CCDC144A: variants seen among roughly 807,000 people sequenced by gnomAD.
CCDC144A encodes the protein coiled-coil domain containing 144A.
Under a neutral mutation model 143.8 loss-of-function variants are expected in CCDC144A, and 41 were observed. The ratio of observed to expected loss-of-function variants is 0.29; its 90% confidence interval spans 0.22 to 0.37. The LOEUF is 0.37. Among genes scored for constraint, CCDC144A ranks in the 10% least tolerant of loss-of-function variants. CCDC144A has a pLI of 1.00. For missense variants in CCDC144A, 637 were observed against 1,488.8 expected, an observed-to-expected ratio of 0.43 and a Z score of 9.41; for synonymous variants, 242 against 517.9, an observed-to-expected ratio of 0.47 and a Z score of 7.23.
chr17:16,719,325 A>C (rs1225311005), intron 6 of CCDC144A, among the ~76,000 whole-genome samples: 1 of 152,150 alleles, frequency 6.6e-6, no homozygotes. Flanking sequence ...TTTCATTAAA[A>C]ATACTTTTTA....
In CCDC144A at chr17:16,734,921, C is replaced by G; in HGVS notation, c.2650C>G (p.Gln884Glu). Residue 884 changes from glutamine (Q) to glutamate (E), a missense_variant, in exon 12 of 17, where the codon CAG becomes GAG. By Grantham distance (29) the Gln-to-Glu change is conservative. Coordinates refer to ENST00000399273, the MANE Select transcript of CCDC144A (RefSeq NM_001382000.1). ...LTETILQYSG[Q>E]LNNLTAENKI... Reference sequence around the variant, plus strand: ...AGAAACAATACTCCAGTACAGTGGACAGCTGAACAATCTGACAGCTGAGAA... The same window carrying G: ...AGAAACAATACTCCAGTACAGTGGAGAGCTGAACAATCTGACAGCTGAGAA... 1 of 1,587,608 alleles carries G rather than the reference C, an allele frequency of 6.3e-7. No homozygotes were observed. The highest frequency in any genetic ancestry group is 1.1e-5 in the South Asian group (1 of 87,252).
intron 14 of CCDC144A, 126 bp from the exon 15 acceptor site, chr17:16,763,839 G>T (rs1597594060): frequency 8.6e-7 from 1 of 1,158,182 alleles, no homozygotes; most frequent in East Asian, 2.7e-5. Flanking sequence ...CATTTTCAGA[G>T]TTAAAACACG....
intron 9 of CCDC144A, among the ~76,000 whole-genome samples, chr17:16,729,042 A>G (rs987542492): frequency 6.6e-6 from 1 of 152,180 alleles, no homozygotes; most frequent in African/African-American, 2.4e-5. Flanking sequence ...AATGTGCTGC[A>G]ATAGACATAC....
chr17:16,769,009 G>A (rs1915720177), intron 15 of CCDC144A, among the ~76,000 whole-genome samples: 2 of 152,180 alleles, frequency 1.3e-5, no homozygotes, highest in Admixed American at 1.3e-4. Context: ...CAACACACTA[G>A]CTCTATTGCA....
At chr17:16,688,484 GTTTTTTTTTTTTTT>G (rs66493875), upstream of CCDC144A, among the ~76,000 whole-genome samples, 1 of 71,622 alleles carries the variant, frequency 1.4e-5, no homozygotes, top group Admixed American at 1.9e-4. Flanking sequence ...TTCTTTTTCT[GTTTTTTTTTTTTTT>G]TTTTTTTTTG....
chr17:16,689,193 C>T (rs1340758711), upstream of CCDC144A, among the ~76,000 whole-genome samples: 1 of 151,846 alleles, frequency 6.6e-6, no homozygotes, highest in Admixed American at 6.6e-5. Flanking sequence ...TTCTCTCCTT[C>T]CTTCTTTTCT....
rs1157574993 is a variant in CCDC144A, at chr17:16,715,323, A to AG, written c.1715+3508_1715+3509insG. On this transcript the variant is annotated intron_variant, in intron 6 of 16. Coordinates refer to ENST00000399273, the MANE Select transcript of CCDC144A (RefSeq NM_001382000.1). ...TTGATTCTCAGGTAAAAAAAAAAAAAAAGAAAGAAAGAAAAAGGTTTCACA... is the reference window on the plus strand; with the variant it reads ...TTGATTCTCAGGTAAAAAAAAAAAAAGAAGAAAGAAAGAAAAAGGTTTCACA... Among the ~76,000 whole-genome samples the AG allele has an allele frequency of 6.6e-5, 9 of 135,848 alleles. No individual in the cohort carries two copies. The East Asian group carries it at 1.7e-3, about 26-fold the overall frequency. The allele number at this position is 135,848 out of a possible 152,430, so 89.1% of individuals were successfully genotyped here. A position where few individuals can be genotyped will look rare whatever the true frequency, so the allele number is the denominator to read the frequency against.
chr17:16,677,832 A>T, the CCDC144A span, among the ~76,000 whole-genome samples: 1 of 152,036 alleles, frequency 6.6e-6, no homozygotes, highest in Admixed American at 6.6e-5. Flanking sequence ...AAAAAATGAA[A>T]GCAGGAGGTA....
chr17:16,674,183 G>A, the CCDC144A span, among the ~76,000 whole-genome samples: 2 of 151,996 alleles, frequency 1.3e-5, no homozygotes, highest in Admixed American at 1.3e-4. Context: ...GGAGGCTGAG[G>A]TGGGAGGATC....
upstream of CCDC144A, among the ~76,000 whole-genome samples, chr17:16,686,489 G>A (rs955592895): frequency 2.0e-5 from 3 of 151,934 alleles, no homozygotes; most frequent in African/African-American, 7.3e-5. Flanking sequence ...TATAGAAGAG[G>A]AATGCTATAT....
the CCDC144A span, among the ~76,000 whole-genome samples, chr17:16,672,344 C>T: frequency 6.6e-6 from 1 of 151,960 alleles, no homozygotes; most frequent in Admixed American, 6.6e-5. Flanking sequence ...ATTCAGGAGG[C>T]TGAGGCAGGA....
chr17:16,769,020 G>GACTC (rs1411596984), intron 15 of CCDC144A, among the ~76,000 whole-genome samples: 1 of 152,178 alleles, frequency 6.6e-6, no homozygotes, highest in Non-Finnish European at 1.5e-5. Flanking sequence ...CTCTATTGCA[G>GACTC]ACTCATGATA....
At chr17:16,706,373 G>A (rs3095817) in intron 3 of CCDC144A, 26,347 of 116,808 alleles carry the variant, frequency 0.23, 3,265 homozygotes, top group African/African-American at 0.35. Flanking sequence ...TCTTAAAGTT[G>A]TACGTAAGGC....
At position 16,708,693 on chromosome 17, in the gene CCDC144A, C is replaced by T. The variant is rs765581104; in HGVS notation, c.739-103C>T. ...ATTTGTGAATTTTTCTTTGTTCATACCTGTTATTTAAGGACAAAGCTATTT... is the reference window on the plus strand; with the variant it reads ...ATTTGTGAATTTTTCTTTGTTCATATCTGTTATTTAAGGACAAAGCTATTT... On this transcript the variant is annotated intron_variant, in intron 4 of 16. Coordinates refer to ENST00000399273, the MANE Select transcript of CCDC144A (RefSeq NM_001382000.1). 3.2e-6 allele frequency: 4 copies of T among 1,262,930 alleles called. No individual in the cohort carries two copies. In the Admixed American group the frequency reaches 5.7e-5, roughly 18 times the overall value. The allele number at this position is 1,262,930 out of a possible 1,614,324, so 78.2% of individuals were successfully genotyped here. A position where few individuals can be genotyped will look rare whatever the true frequency, so the allele number is the denominator to read the frequency against.
In CCDC144A at chr17:16,746,891, C is replaced by T. The variant is rs2349276; in HGVS notation, c.3372+11248C>T. The T allele has an allele frequency of 9.6e-4, 552 of 575,834 alleles. 3 individuals carry two copies. In the African/African-American group the frequency reaches 0.014, roughly 14 times the overall value. 35.7% of individuals were successfully genotyped at this position (575,834 alleles called of 1,614,324 possible). A position where few individuals can be genotyped will look rare whatever the true frequency, so the allele number is the denominator to read the frequency against. On this transcript the variant is annotated intron_variant, in intron 12 of 16. Coordinates refer to ENST00000399273, the MANE Select transcript of CCDC144A (RefSeq NM_001382000.1). ...TCCCTTCTCTCCCTTCTCTCCCTCCCCTCCCTCCCCTCCCTCCCCTCTAGG... is the reference window on the plus strand; with the variant it reads ...TCCCTTCTCTCCCTTCTCTCCCTCCTCTCCCTCCCCTCCCTCCCCTCTAGG...
intron 2 of CCDC144A, among the ~76,000 whole-genome samples, chr17:16,696,633 C>CAA (rs536770820): frequency 5.6e-5 from 4 of 71,788 alleles, no homozygotes; most frequent in African/African-American, 1.0e-4. Flanking sequence ...GACTCTGTCT[C>CAA]AAAAAAAAAA....
At chr17:16,719,269 C>T (rs1430421555) in intron 6 of CCDC144A, among the ~76,000 whole-genome samples, 3 of 151,990 alleles carry the variant, frequency 2.0e-5, no homozygotes, top group Admixed American at 6.5e-5. Flanking sequence ...ATTTGTTGAA[C>T]GGGTGAATGA....
chr17:16,757,758 G>T (rs1246696234), intron 12 of CCDC144A, among the ~76,000 whole-genome samples: 23 of 152,248 alleles, frequency 1.5e-4, no homozygotes, highest in Non-Finnish European at 3.2e-4. Flanking sequence ...TGGCAGTGGT[G>T]TCAGTCAGGT....
At chr17:16,688,136 A>G (rs1910846427), upstream of CCDC144A, among the ~76,000 whole-genome samples, 1 of 151,802 alleles carries the variant, frequency 6.6e-6, no homozygotes, top group Non-Finnish European at 1.5e-5. Context: ...TCAAAGTGCC[A>G]CCCTTAAACT....
Sources: gnomAD v4.1 joint callset for allele counts (sites outside exome capture counted in the v4.1 genomes callset) on GRCh38, gnomAD v4.1.1 for gene constraint, MANE v1.5 for transcripts, NCBI Gene and HGNC (gene_info 2026-07-23, HGNC 2026-07-21) for gene names.